Variants in MOBP observed in about 807,000 individuals in gnomAD.
The protein encoded by MOBP is myelin associated oligodendrocyte basic protein, also known as myelin-associated oligodendrocyte basic protein.
Under a neutral mutation model 15.0 loss-of-function variants are expected in MOBP, and 5 were observed. That is an observed-to-expected ratio of 0.33 (90% CI 0.17 to 0.70). The LOEUF is 0.70. Among genes scored for constraint, MOBP ranks in the 30% least tolerant of loss-of-function variants. The pLI, the probability that MOBP is intolerant of heterozygous loss-of-function variation, is 0.67. For synonymous variants in MOBP, 88 were observed against 99.0 expected (o/e 0.89, Z 0.66); for missense variants, 188 against 257.8 (o/e 0.73, Z 1.85).
chr3:39,520,281 T>C (rs866181693), downstream of MOBP, among the ~76,000 whole-genome samples: 109 of 152,346 alleles, frequency 7.2e-4, no homozygotes, highest in African/African-American at 2.4e-3. Context: ...CATTAGATTA[T>C]GTTGGATAAG....
intron 1 of MOBP, among the ~76,000 whole-genome samples, chr3:39,469,339 ATTTAT>A: frequency 6.7e-6 from 1 of 149,130 alleles, no homozygotes; most frequent in African/African-American, 2.5e-5. Context: ...TTTAATTAAA[ATTTAT>A]TTTAATTGGA....
intron 2 of MOBP, among the ~76,000 whole-genome samples, chr3:39,487,490 T>C (rs1184717851): frequency 6.6e-6 from 1 of 151,266 alleles, no homozygotes; most frequent in African/African-American, 2.4e-5. Context: ...GTATGAAAAG[T>C]CCTGTCATTC....
At chr3:39,480,387 A>G (rs550934029) in intron 2 of MOBP, among the ~76,000 whole-genome samples, 1 of 152,286 alleles carries the variant, frequency 6.6e-6, no homozygotes, top group East Asian at 1.9e-4. Flanking sequence ...GCAAACCCAC[A>G]TATCATGCAC....
intron 1 of MOBP, among the ~76,000 whole-genome samples, chr3:39,469,186 G>GTATATACATATATACATA (rs2042424879): frequency 6.8e-5 from 7 of 102,546 alleles, no homozygotes; most frequent in African/African-American, 9.9e-5. Flanking sequence ...ACATGTGTGT[G>GTATATACATATATACATA]TGTGTATATA....
At chr3:39,505,746 C>T (rs553243791), downstream of MOBP, among the ~76,000 whole-genome samples, 3 of 152,264 alleles carry the variant, frequency 2.0e-5, no homozygotes, top group South Asian at 6.2e-4. Flanking sequence ...TAGCCTTAAC[C>T]CAATTGTCTC....
intron 2 of MOBP, among the ~76,000 whole-genome samples, chr3:39,484,502 A>G (rs1187474600): frequency 3.3e-5 from 5 of 152,264 alleles, no homozygotes; most frequent in Middle Eastern, 3.4e-3. Context: ...CAGCAGATAA[A>G]CGGAGAGACC....
At chr3:39,471,286 C>T (rs975003403) in intron 1 of MOBP, among the ~76,000 whole-genome samples, 12 of 151,990 alleles carry the variant, frequency 7.9e-5, no homozygotes, top group South Asian at 4.2e-4. Flanking sequence ...CGTGCCACCA[C>T]GCCCAGCTAA....
chr3:39,469,108 GTATATATACATATATACATA>G (rs2042417281), intron 1 of MOBP, among the ~76,000 whole-genome samples: 1 of 51,124 alleles, frequency 2.0e-5, no homozygotes, highest in East Asian at 2.9e-4. Flanking sequence ...ATATGTGTGT[GTATATATACATATATACATA>G]TGTGTGTGTA....
intron 2 of MOBP, among the ~76,000 whole-genome samples, chr3:39,499,236 C>T (rs1417147): frequency 2.0e-5 from 3 of 151,896 alleles, no homozygotes; most frequent in African/African-American, 7.3e-5. Flanking sequence ...AGCTGAACTT[C>T]GCGACCTATG....
chr3:39,486,581 G>C (rs1238030717), intron 2 of MOBP, among the ~76,000 whole-genome samples: 1 of 152,140 alleles, frequency 6.6e-6, no homozygotes, highest in Non-Finnish European at 1.5e-5. Context: ...AACTATGTGT[G>C]AGAGTTCCTG....
chr3:39,505,751 T>C (rs2043040289), downstream of MOBP, among the ~76,000 whole-genome samples: 1 of 152,184 alleles, frequency 6.6e-6, no homozygotes, highest in South Asian at 2.1e-4. Flanking sequence ...TTAACCCAAT[T>C]GTCTCTCATT....
chr3:39,518,925 G>A (rs559633412), downstream of MOBP, among the ~76,000 whole-genome samples: 2 of 152,292 alleles, frequency 1.3e-5, no homozygotes, highest in East Asian at 3.9e-4. Context: ...GAACACCTCA[G>A]CACTCACAGG....
rs1454581300 is a variant in MOBP, at chr3:39,502,024, CG to C, written c.-4-41del. On this transcript the variant is annotated intron_variant, in intron 2 of 3. Coordinates refer to ENST00000684792, the MANE Select transcript of MOBP (RefSeq NM_001393704.1). This position sits in a 1 kb window ranked among gnomAD's most constrained non-coding sequence, Gnocchi z 6.3. ...GTAGAGGGCTCCCTTTCCTGATGTG[CG>C]TTTATGTCTCCTCCTGTCTCCTTGC... The C allele has an allele frequency of 1.3e-6, 2 of 1,543,576 alleles. No individual in the cohort carries two copies. The highest frequency in any genetic ancestry group is 1.4e-5 in the African/African-American group (1 of 73,432).
downstream of MOBP, among the ~76,000 whole-genome samples, chr3:39,506,998 T>G (rs1707969): frequency 0.26 from 39,491 of 152,126 alleles, 5,877 homozygotes; most frequent in African/African-American, 0.41. Context: ...GGAACTTTCC[T>G]TCTTCATCTT....
chr3:39,475,759 A>G (rs1041096413), intron 1 of MOBP, among the ~76,000 whole-genome samples: 3 of 151,848 alleles, frequency 2.0e-5, no homozygotes, highest in African/African-American at 4.9e-5. Flanking sequence ...AACCCCTCTG[A>G]GCATTTTCTG....
At chr3:39,494,272 A>C (rs1434485558) in intron 2 of MOBP, among the ~76,000 whole-genome samples, 5 of 152,184 alleles carry the variant, frequency 3.3e-5, no homozygotes, top group Admixed American at 6.5e-5. Context: ...TGTTTGGGGA[A>C]TTACAAATAT....
chr3:39,502,391 T>C lies in MOBP; in HGVS notation c.206+116T>C. ...CCCCCTAGTCGGCTCCGGGTTAGGC[T>C]CCGACACCGGAAGGCACTCCAGGGA... On this transcript the variant is annotated intron_variant, in intron 3 of 3. Coordinates refer to ENST00000684792, the MANE Select transcript of MOBP (RefSeq NM_001393704.1). The surrounding 1 kb of genome is among the most constrained non-coding windows in gnomAD (Gnocchi z 6.3). The C allele has an allele frequency of 6.5e-7, 1 of 1,539,904 alleles. No individual in the cohort carries two copies.
At chr3:39,501,524 C>G (rs1452112042) in intron 2 of MOBP, among the ~76,000 whole-genome samples, 1 of 152,166 alleles carries the variant, frequency 6.6e-6, no homozygotes, top group Admixed American at 6.5e-5. Flanking sequence ...TGTTCTTGAA[C>G]CTCCTGTACA....
At chr3:39,500,514 G>T (rs1344702878) in intron 2 of MOBP, among the ~76,000 whole-genome samples, 1 of 152,220 alleles carries the variant, frequency 6.6e-6, no homozygotes, top group Non-Finnish European at 1.5e-5. Flanking sequence ...GGAAAGGAAA[G>T]ACTTTAGATG....
Sources: allele counts gnomAD v4.1 joint callset (sites outside exome capture counted in the v4.1 genomes callset), GRCh38; gene constraint gnomAD v4.1.1; non-coding constraint Gnocchi (gnomAD v3.1); transcripts MANE v1.5; gene names NCBI Gene and HGNC (gene_info 2026-07-23, HGNC 2026-07-21).